The following L3MBTL4 variants were observed in gnomAD, a reference collection of about 807,000 sequenced individuals.
L3MBTL4 encodes the protein lethal(3)malignant brain tumor-like protein 4.
A neutral mutation model predicts 84.5 loss-of-function variants in L3MBTL4; 70 were observed. That is an observed-to-expected ratio of 0.83 (90% CI 0.68 to 1.01). L3MBTL4 has a LOEUF of 1.01. L3MBTL4 is among the 50% of genes least tolerant of loss of function. The pLI, the probability that L3MBTL4 is intolerant of heterozygous loss-of-function variation, is 0.00. For missense variants in L3MBTL4, 715 were observed against 754.8 expected (o/e 0.95, Z 0.62); for synonymous variants, 274 against 259.8 (o/e 1.05, Z -0.52).
intron 4 of L3MBTL4, among the ~76,000 whole-genome samples, chr18:6,284,683 G>A (rs1354963335): frequency 1.3e-5 from 2 of 151,594 alleles, no homozygotes; most frequent in Non-Finnish European, 2.9e-5. Context: ...ATCCTATTCT[G>A]CCTCATCCTC....
At chr18:6,381,714 T>C (rs1268534029) in intron 1 of L3MBTL4, among the ~76,000 whole-genome samples, 2 of 152,252 alleles carry the variant, frequency 1.3e-5, no homozygotes, top group African/African-American at 2.4e-5. Flanking sequence ...GTTAGTCTGA[T>C]GGGGTTCCGT....
intron 16 of L3MBTL4, among the ~76,000 whole-genome samples, chr18:6,012,844 C>T (rs1255549290): frequency 6.6e-6 from 1 of 152,082 alleles, no homozygotes; most frequent in Non-Finnish European, 1.5e-5. Context: ...TCTTGTGGGT[C>T]TGTGCACTTT....
chr18:6,078,426 CAAAAAAAAAAAACAA>C (rs1219739831), intron 16 of L3MBTL4, among the ~76,000 whole-genome samples: 19 of 34,880 alleles, frequency 5.4e-4, no homozygotes, highest in African/African-American at 1.6e-3. Flanking sequence ...GAGTCCACCT[CAAAAAAAAAAAACAA>C]AAAAAAAAAA....
chr18:6,086,994 C>T (rs1030344884), intron 15 of L3MBTL4, among the ~76,000 whole-genome samples: 1 of 152,192 alleles, frequency 6.6e-6, no homozygotes, highest in African/African-American at 2.4e-5. Context: ...GGAGCCATCC[C>T]ACCTAAGTTC....
chr18:6,007,843 T>A (rs1003269580), intron 16 of L3MBTL4, among the ~76,000 whole-genome samples: 1 of 152,164 alleles, frequency 6.6e-6, no homozygotes, highest in Non-Finnish European at 1.5e-5. Flanking sequence ...TATACTGTTA[T>A]GTGAAAAAAA....
At chr18:6,004,725 G>T (rs1256486083) in intron 16 of L3MBTL4, among the ~76,000 whole-genome samples, 1 of 152,136 alleles carries the variant, frequency 6.6e-6, no homozygotes, top group East Asian at 1.9e-4. Flanking sequence ...GAACCTTGAA[G>T]ACATGACATT....
intron 1 of L3MBTL4, among the ~76,000 whole-genome samples, chr18:6,335,620 TC>T: frequency 6.6e-6 from 1 of 152,268 alleles, no homozygotes. Context: ...TGAATTATAA[TC>T]CCCCTAATCC....
intron 3 of L3MBTL4, among the ~76,000 whole-genome samples, chr18:6,303,126 G>GT (rs932048007): frequency 1.7e-4 from 26 of 152,046 alleles, no homozygotes; most frequent in East Asian, 1.6e-3. Context: ...GTTTTTTGGG[G>GT]TTTTTTTGTC....
chr18:6,051,453 C>A (rs193302393), intron 16 of L3MBTL4, among the ~76,000 whole-genome samples: 2 of 152,070 alleles, frequency 1.3e-5, no homozygotes, highest in African/African-American at 4.8e-5. Flanking sequence ...GCAGGAGAAT[C>A]GCTTGAACTT....
intron 1 of L3MBTL4, among the ~76,000 whole-genome samples, chr18:6,318,441 A>T (rs1241360746): frequency 6.9e-6 from 1 of 145,946 alleles, no homozygotes; most frequent in Non-Finnish European, 1.5e-5. Flanking sequence ...ACCAAAAGCT[A>T]GCAGGAGTTA....
At chr18:6,246,270 A>G (rs1568374771) in intron 5 of L3MBTL4, among the ~76,000 whole-genome samples, 1 of 152,184 alleles carries the variant, frequency 6.6e-6, no homozygotes, top group Non-Finnish European at 1.5e-5. Context: ...ATCTGTCAAA[A>G]GTGTTTTTCA....
intron 13 of L3MBTL4, among the ~76,000 whole-genome samples, chr18:6,161,864 T>C (rs988293117): frequency 6.6e-6 from 1 of 151,874 alleles, no homozygotes; most frequent in Non-Finnish European, 1.5e-5. Context: ...CATACATTTG[T>C]AAACCACAGT....
chr18:6,325,907 C>A (rs868438369), intron 1 of L3MBTL4, among the ~76,000 whole-genome samples: 5 of 152,286 alleles, frequency 3.3e-5, no homozygotes, highest in Middle Eastern at 3.4e-3. Context: ...CATTTTTCTG[C>A]TTTGAAACCC....
chr18:6,128,294 T>C (rs1043852385), intron 14 of L3MBTL4, among the ~76,000 whole-genome samples: 1 of 151,552 alleles, frequency 6.6e-6, no homozygotes, highest in African/African-American at 2.4e-5. Flanking sequence ...TGAGCATCAG[T>C]TGAGGAAAGC....
intron 1 of L3MBTL4, among the ~76,000 whole-genome samples, chr18:6,368,185 C>G (rs920979764): frequency 3.3e-5 from 5 of 152,054 alleles, no homozygotes; most frequent in Non-Finnish European, 5.9e-5. Context: ...CTCCAGTCAC[C>G]GGCATCCACC....
chr18:6,167,147 T>A (rs1385781835), intron 13 of L3MBTL4, among the ~76,000 whole-genome samples: 5 of 152,200 alleles, frequency 3.3e-5, no homozygotes, highest in Admixed American at 6.5e-5. Flanking sequence ...AATCTCTGAA[T>A]AGATCAATAA....
Position 6,203,167 on chromosome 18 carries a change from G to T in L3MBTL4, c.981+9982C>A, listed in dbSNP as rs548361706. Among the ~76,000 whole-genome samples, 15 of 152,236 alleles carry T rather than the reference G, an allele frequency of 9.9e-5. No homozygotes were observed. In the South Asian group the frequency reaches 2.7e-3, roughly 27 times the overall value. On this transcript the variant is annotated intron_variant, in intron 12 of 18. Coordinates refer to ENST00000317931, the MANE Select transcript of L3MBTL4 (RefSeq NM_001330559.2). Reference sequence around the variant, plus strand: ...AGAAAAGCAGAGAAGCCAACAACAGGACTCAAAAGGAACAATGAGGTCGAA... The same window carrying T: ...AGAAAAGCAGAGAAGCCAACAACAGTACTCAAAAGGAACAATGAGGTCGAA...
chr18:6,360,638 G>T (rs2053646875), intron 1 of L3MBTL4, among the ~76,000 whole-genome samples: 1 of 152,098 alleles, frequency 6.6e-6, no homozygotes, highest in African/African-American at 2.4e-5. Context: ...ATGTGCATGT[G>T]TATGGGGTTA....
chr18:6,077,195 A>G (rs1403963561), intron 16 of L3MBTL4, among the ~76,000 whole-genome samples: 1 of 152,216 alleles, frequency 6.6e-6, no homozygotes, highest in Admixed American at 6.5e-5. Context: ...CCAAAGAATA[A>G]TTATCACTTG....
Sources: gnomAD v4.1 joint callset for allele counts (sites outside exome capture counted in the v4.1 genomes callset) on GRCh38, gnomAD v4.1.1 for gene constraint, MANE v1.5 for transcripts, NCBI Gene and HGNC (gene_info 2026-07-23, HGNC 2026-07-21) for gene names.